The following EXOC4 variants were observed in gnomAD, a reference collection of about 807,000 sequenced individuals.
EXOC4 encodes exocyst complex component 4.
Under a neutral mutation model 107.2 loss-of-function variants are expected in EXOC4, and 71 were observed. The observed-to-expected ratio is 0.66, with a 90% CI of 0.55 to 0.81. The LOEUF is 0.81. EXOC4 is among the 30% of genes least tolerant of loss of function. The pLI is 0.00. For synonymous variants in EXOC4, 456 were observed against 441.2 expected (o/e 1.03, Z -0.42); for missense variants, 1,108 against 1,189.6 (o/e 0.93, Z 1.01).
intron 10 of EXOC4, among the ~76,000 whole-genome samples, chr7:133,671,915 T>A (rs1410718243): frequency 6.6e-6 from 1 of 152,164 alleles, no homozygotes; most frequent in Non-Finnish European, 1.5e-5. Flanking sequence ...AAATTTGACA[T>A]CTCTATTAGA....
chr7:133,464,810 G>GTTTTTTTTTTTTTT (rs1491525276), intron 7 of EXOC4, among the ~76,000 whole-genome samples: 7 of 105,680 alleles, frequency 6.6e-5, no homozygotes, highest in East Asian at 3.4e-4. Context: ...TGGTTGGGTT[G>GTTTTTTTTTTTTTT]GTTTTTTTTT....
chr7:133,585,812 G>T (rs1801390084), intron 9 of EXOC4, among the ~76,000 whole-genome samples: 1 of 152,058 alleles, frequency 6.6e-6, no homozygotes, highest in South Asian at 2.1e-4. Flanking sequence ...TTCTGCCTCT[G>T]CCTCCCTTTT....
intron 10 of EXOC4, among the ~76,000 whole-genome samples, chr7:133,668,325 C>T (rs900899967): frequency 6.6e-6 from 1 of 152,194 alleles, no homozygotes; most frequent in Admixed American, 6.5e-5. Context: ...GTCGTGTTCA[C>T]AGTCATTTGC....
chr7:133,380,056 A>T (rs900463009), intron 7 of EXOC4, among the ~76,000 whole-genome samples: 1 of 150,988 alleles, frequency 6.6e-6, no homozygotes, highest in Non-Finnish European at 1.5e-5. Flanking sequence ...ACTTGTTCAC[A>T]GGAAGGGGAA....
intron 17 of EXOC4, among the ~76,000 whole-genome samples, chr7:134,010,684 A>ATC (rs1794743308): frequency 6.6e-6 from 1 of 152,214 alleles, no homozygotes; most frequent in African/African-American, 2.4e-5. Context: ...TTTCCAGCAA[A>ATC]TCTCTATAGG....
chr7:133,503,968 T>C (rs930186365), intron 9 of EXOC4, among the ~76,000 whole-genome samples: 1 of 151,224 alleles, frequency 6.6e-6, no homozygotes, highest in Non-Finnish European at 1.5e-5. Flanking sequence ...TGTGTATACA[T>C]AGACACACGT....
At chr7:133,357,109 A>G (rs1311112064) in intron 6 of EXOC4, among the ~76,000 whole-genome samples, 3 of 152,382 alleles carry the variant, frequency 2.0e-5, no homozygotes, top group South Asian at 4.1e-4. Context: ...AATGAAAAAT[A>G]TGGACATATT....
chr7:133,610,351 A>G (rs951398988), intron 9 of EXOC4, among the ~76,000 whole-genome samples: 13 of 152,216 alleles, frequency 8.5e-5, no homozygotes, highest in Non-Finnish European at 1.9e-4. Context: ...CTTAGGAAAA[A>G]CAAACAAAAG....
intron 17 of EXOC4, 149 bp downstream of exon 17, chr7:134,007,984 G>GA (rs1794681756): frequency 1.5e-6 from 1 of 671,690 alleles, no homozygotes; most frequent in South Asian, 2.8e-5. Context: ...GTCCTATAGA[G>GA]AAAATAATTC....
intron 7 of EXOC4, among the ~76,000 whole-genome samples, chr7:133,401,063 C>T (rs1047227088): frequency 6.6e-6 from 1 of 152,064 alleles, no homozygotes; most frequent in Non-Finnish European, 1.5e-5. Flanking sequence ...TTTTAACCAA[C>T]TAGAAGAGTT....
chr7:133,490,530 T>C (rs1478712965), intron 9 of EXOC4, among the ~76,000 whole-genome samples: 1 of 152,188 alleles, frequency 6.6e-6, no homozygotes, highest in Non-Finnish European at 1.5e-5. Flanking sequence ...GGTAAATGTA[T>C]GAAAGTATGA....
intron 10 of EXOC4, among the ~76,000 whole-genome samples, chr7:133,696,004 C>T (rs985883948): frequency 6.6e-6 from 1 of 152,170 alleles, no homozygotes; most frequent in Non-Finnish European, 1.5e-5. Flanking sequence ...GTTATTTGTA[C>T]TGCTTCTTAG....
At chr7:133,582,230 A>G (rs917306261) in intron 9 of EXOC4, among the ~76,000 whole-genome samples, 1 of 152,100 alleles carries the variant, frequency 6.6e-6, no homozygotes, top group Admixed American at 6.5e-5. Flanking sequence ...ATAATGTGGT[A>G]TTTGGTTTTC....
At chr7:134,037,905 A>G (rs1420523468) in intron 17 of EXOC4, among the ~76,000 whole-genome samples, 2 of 152,234 alleles carry the variant, frequency 1.3e-5, no homozygotes, top group African/African-American at 2.4e-5. Flanking sequence ...GATCCTCAGC[A>G]TCTTGCTACT....
chr7:133,562,334 C>A (rs1800820594), intron 9 of EXOC4, among the ~76,000 whole-genome samples: 1 of 152,138 alleles, frequency 6.6e-6, no homozygotes, highest in Admixed American at 6.5e-5. Flanking sequence ...GGGCCCTAGC[C>A]TGACCTCTGG....
chr7:133,692,209 C>G (rs1346935710), intron 10 of EXOC4, among the ~76,000 whole-genome samples: 1 of 152,146 alleles, frequency 6.6e-6, no homozygotes, highest in African/African-American at 2.4e-5. Flanking sequence ...AAAAGTAATC[C>G]TCAAGAGAGT....
chr7:133,910,322 G>A (rs1799663551), intron 12 of EXOC4, among the ~76,000 whole-genome samples: 1 of 152,168 alleles, frequency 6.6e-6, no homozygotes, highest in Admixed American at 6.5e-5. Flanking sequence ...TCCTTCATAT[G>A]AGAACTTGTC....
chr7:133,988,933 C>G (rs929250579), intron 14 of EXOC4, among the ~76,000 whole-genome samples: 1 of 152,042 alleles, frequency 6.6e-6, no homozygotes, highest in Non-Finnish European at 1.5e-5. Flanking sequence ...GTTATTTATA[C>G]AAGAAATTAA....
At chr7:133,405,207 A>C (rs1197719875) in intron 7 of EXOC4, among the ~76,000 whole-genome samples, 1 of 152,214 alleles carries the variant, frequency 6.6e-6, no homozygotes, top group Non-Finnish European at 1.5e-5. Context: ...TTTAGTAATA[A>C]AGCTTTAATG....
Sources: gnomAD v4.1 joint callset for allele counts (sites outside exome capture counted in the v4.1 genomes callset) on GRCh38, gnomAD v4.1.1 for gene constraint, MANE v1.5 for transcripts, NCBI Gene and HGNC (gene_info 2026-07-23, HGNC 2026-07-21) for gene names.